The following HPSE2 variants were observed in gnomAD, a reference collection of about 807,000 sequenced individuals.
HPSE2 encodes inactive heparanase-2.
In HPSE2, 38 loss-of-function variants were observed where a neutral mutation model predicts 60.5. The observed-to-expected ratio is 0.63, with a 90% confidence interval of 0.48 to 0.82. The LOEUF is 0.82. Ranked by LOEUF, HPSE2 falls within the 40% of genes least tolerant of loss-of-function variation. The probability of loss-of-function intolerance (pLI) is 0.00; values close to 1 mark genes in which losing one functional copy is unlikely to be tolerated. For missense variants in HPSE2, 713 were observed against 740.4 expected, an observed-to-expected ratio of 0.96 and a Z score of 0.43; for synonymous variants, 295 against 293.2, an observed-to-expected ratio of 1.01 and a Z score of -0.06.
intron 3 of HPSE2, among the ~76,000 whole-genome samples, chr10:99,138,603 GA>G (rs1467487138): frequency 6.6e-6 from 1 of 152,194 alleles, no homozygotes; most frequent in African/African-American, 2.4e-5. Context: ...GGACATGGAT[GA>G]AGCTGGAAAC....
At chr10:98,822,303 T>C (rs1488715680) in intron 3 of HPSE2, among the ~76,000 whole-genome samples, 1 of 152,170 alleles carries the variant, frequency 6.6e-6, no homozygotes, top group Non-Finnish European at 1.5e-5. Flanking sequence ...GCCACCTCCA[T>C]ATCAAGATTA....
At chr10:99,057,176 T>C (rs979533698) in intron 3 of HPSE2, among the ~76,000 whole-genome samples, 1 of 152,198 alleles carries the variant, frequency 6.6e-6, no homozygotes, top group Non-Finnish European at 1.5e-5. Context: ...ACATGTAAGA[T>C]GTTTGCATTT....
intron 6 of HPSE2, among the ~76,000 whole-genome samples, chr10:98,692,183 A>C (rs1213641195): frequency 6.6e-6 from 1 of 152,198 alleles, no homozygotes; most frequent in African/African-American, 2.4e-5. Flanking sequence ...GATGAAAAGG[A>C]GCTGGCCACA....
intron 3 of HPSE2, among the ~76,000 whole-genome samples, chr10:99,115,455 A>ATT (rs997027759): frequency 2.1e-5 from 3 of 145,570 alleles, no homozygotes; most frequent in African/African-American, 7.5e-5. Context: ...CGCTTGGCCA[A>ATT]TTTTTTTTTT....
At chr10:98,937,607 C>T (rs2135134954) in intron 3 of HPSE2, among the ~76,000 whole-genome samples, 1 of 143,898 alleles carries the variant, frequency 6.9e-6, no homozygotes, top group East Asian at 2.0e-4. Context: ...GTGGAGCCCA[C>T]CACAGCTCAA....
At chr10:99,060,078 A>G (rs941055915) in intron 3 of HPSE2, among the ~76,000 whole-genome samples, 2 of 151,964 alleles carry the variant, frequency 1.3e-5, no homozygotes, top group African/African-American at 4.8e-5. Context: ...ACCTATGGAT[A>G]TAAAAGAATA....
intron 3 of HPSE2, among the ~76,000 whole-genome samples, chr10:99,026,709 C>T (rs1957385670): frequency 6.6e-6 from 1 of 152,016 alleles, no homozygotes; most frequent in African/African-American, 2.4e-5. Flanking sequence ...CAAGGATAAA[C>T]CATAGGTTAG....
At chr10:98,511,785 G>GCAAGGTTCAAAGGTTCAAGGTT (rs1942417064) in intron 9 of HPSE2, among the ~76,000 whole-genome samples, 1 of 152,108 alleles carries the variant, frequency 6.6e-6, no homozygotes, top group Admixed American at 6.5e-5. Context: ...TGAAATAACT[G>GCAAGGTTCAAAGGTTCAAGGTT]CAAGGTTCAA....
At chr10:98,791,216 A>T (rs896064202) in intron 3 of HPSE2, among the ~76,000 whole-genome samples, 1 of 152,166 alleles carries the variant, frequency 6.6e-6, no homozygotes, top group Non-Finnish European at 1.5e-5. Context: ...GAATGCTGGA[A>T]TTGACTGAGG....
chr10:98,699,689 G>A lies in HPSE2; in HGVS notation c.957-5742C>T, dbSNP rs75580756. On this transcript the variant is annotated intron_variant, in intron 5 of 11. Coordinates refer to ENST00000370552, the MANE Select transcript of HPSE2 (RefSeq NM_021828.5). ...ATAAAGGGTATTCAATTAGGAAAAG[G>A]GGAAGTCAAATTGTCCCTGTTTGCA... 9.7e-3 allele frequency among the ~76,000 whole-genome samples: 1,213 copies of A among 125,486 alleles called. 23 individuals are homozygous for A. Among genetic ancestry groups the A allele is most frequent in the East Asian group, 0.081 (298 of 3,692 alleles). 82.3% of individuals were successfully genotyped at this position (125,486 alleles called of 152,430 possible).
At chr10:98,632,989 A>G (rs978223291) in intron 7 of HPSE2, among the ~76,000 whole-genome samples, 1 of 152,024 alleles carries the variant, frequency 6.6e-6, no homozygotes, top group South Asian at 2.1e-4. Context: ...CACTGGGTGC[A>G]CGTGCCTCTC....
At chr10:98,724,676 A>T (rs775259748) in intron 4 of HPSE2, among the ~76,000 whole-genome samples, 39 of 152,126 alleles carry the variant, frequency 2.6e-4, no homozygotes, top group Non-Finnish European at 3.1e-4. Flanking sequence ...TATATTTAGG[A>T]TAGTTAGCTC....
At chr10:99,283,140 C>A in the HPSE2 span, among the ~76,000 whole-genome samples, 2 of 148,856 alleles carry the variant, frequency 1.3e-5, no homozygotes, top group African/African-American at 4.9e-5. Context: ...GAGCCAAGAT[C>A]ACGCCACTGC....
At chr10:98,597,998 A>T (rs1477598837) in intron 9 of HPSE2, among the ~76,000 whole-genome samples, 2 of 146,388 alleles carry the variant, frequency 1.4e-5, no homozygotes, top group Non-Finnish European at 1.5e-5. Flanking sequence ...AAAAAAAAAA[A>T]TTGCTCTTTT....
At chr10:99,177,668 T>C (rs192801318) in intron 2 of HPSE2, among the ~76,000 whole-genome samples, 5 of 152,216 alleles carry the variant, frequency 3.3e-5, no homozygotes, top group Admixed American at 3.3e-4. Flanking sequence ...CACATGATAA[T>C]AGTGGGAGAC....
intron 9 of HPSE2, among the ~76,000 whole-genome samples, chr10:98,529,445 A>G (rs540553952): frequency 5.8e-4 from 89 of 152,238 alleles, no homozygotes; most frequent in African/African-American, 2.1e-3. Flanking sequence ...CTAGCCATCC[A>G]TCTTCTCCAT....
upstream of HPSE2, chr10:99,235,970 G>A (rs1258231376): frequency 1.0e-5 from 3 of 300,366 alleles, no homozygotes; most frequent in East Asian, 1.9e-4. Flanking sequence ...TCTCTCTCTC[G>A]CTCGCTCGCT....
At chr10:99,027,309 C>A (rs1033025981) in intron 3 of HPSE2, among the ~76,000 whole-genome samples, 1 of 150,270 alleles carries the variant, frequency 6.7e-6, no homozygotes, top group Non-Finnish European at 1.5e-5. Context: ...CTGCAGAAAT[C>A]CAAAGGATCA....
At chr10:99,300,906 T>C in the HPSE2 span, among the ~76,000 whole-genome samples, 1 of 152,302 alleles carries the variant, frequency 6.6e-6, no homozygotes, top group South Asian at 2.1e-4. Context: ...GTTCCCAAAG[T>C]ATGGATTATT....
Sources: allele counts gnomAD v4.1 joint callset (sites outside exome capture counted in the v4.1 genomes callset), GRCh38; gene constraint gnomAD v4.1.1; transcripts MANE v1.5; gene names NCBI Gene and HGNC (gene_info 2026-07-23, HGNC 2026-07-21).